The following SORT1 variants were observed in gnomAD, a reference collection of about 807,000 sequenced individuals.
SORT1 encodes sortilin 1.
A neutral mutation model predicts 101.7 loss-of-function variants in SORT1; 39 were observed. The observed-to-expected ratio is 0.38, with a 90% confidence interval of 0.30 to 0.50. The LOEUF (loss-of-function observed/expected upper bound fraction) is 0.50. Ranked by LOEUF, SORT1 falls within the 20% of genes least tolerant of loss-of-function variation. The pLI, the probability that SORT1 is intolerant of heterozygous loss-of-function variation, is 0.90. For missense variants in SORT1, 878 were observed against 1,040.4 expected (o/e 0.84, Z 2.15); for synonymous variants, 396 against 393.7 (o/e 1.01, Z -0.07).
chr1:109,330,896 C>T (rs1648417831), intron 11 of SORT1, among the ~76,000 whole-genome samples: 1 of 152,042 alleles, frequency 6.6e-6, no homozygotes, highest in Admixed American at 6.6e-5. Flanking sequence ...ACATATACAG[C>T]TTACCAAGAC....
Position 109,367,419 on chromosome 1 carries a change from C to T in SORT1, c.429G>A (p.Lys143=). 1 of 1,594,760 alleles carries T rather than the reference C, an allele frequency of 6.3e-7. No homozygotes were observed. Among genetic ancestry groups the T allele is most frequent in the Non-Finnish European group, 8.6e-7 (1 of 1,162,690 alleles). The change falls in exon 3 of 20, where the codon AAG becomes AAA. Residue 143 remains lysine, a synonymous_variant. Transcript: ENST00000256637. The stretch of plus-strand genomic sequence containing the variant: ...GTTATTGATCTCACCTTCGATATAG[C>T]TTGGACTGTCCAAAAGTCATAATTA... ...PLVIMTFGQS[K]LYRSEDYGKN...
chr1:109,316,773 G>A, intron 17 of SORT1, 77 bp downstream of exon 17: 1 of 937,870 alleles, frequency 1.1e-6, no homozygotes, highest in South Asian at 1.5e-5. Context: ...CAAAACTCTT[G>A]ATGCTTTAAC....
chr1:109,392,913 G>A (rs1473628538), intron 1 of SORT1: 2 of 985,162 alleles, frequency 2.0e-6, no homozygotes, highest in African/African-American at 3.5e-5. Flanking sequence ...CAGAACTCAA[G>A]AGACTATTAA....
chr1:109,370,796 G>C (rs1169648651), intron 1 of SORT1, among the ~76,000 whole-genome samples: 1 of 152,072 alleles, frequency 6.6e-6, no homozygotes, highest in Admixed American at 6.5e-5. Context: ...CCTTCCACAG[G>C]AATACTTTGC....
chr1:109,331,972 T>G (rs1488976033), intron 11 of SORT1, among the ~76,000 whole-genome samples: 1 of 121,266 alleles, frequency 8.2e-6, no homozygotes, highest in African/African-American at 3.2e-5. Context: ...AACTTAGGGA[T>G]AAATTTAACC....
rs538655018 is a variant in SORT1 at position 109,330,580 on chromosome 1, G to T, written c.1372-2979C>A. Among the ~76,000 whole-genome samples the T allele has an allele frequency of 9.2e-5, 14 of 151,972 alleles. No homozygotes were observed. In the East Asian group the frequency reaches 2.5e-3, roughly 27 times the overall value. On this transcript the variant is annotated intron_variant, in intron 11 of 19. Coordinates refer to ENST00000256637, the MANE Select transcript of SORT1 (RefSeq NM_002959.7). ...TTTATACCTCAAGGAACTAGAAAAA[G>T]AACAAACTAAGCCCAAAGTTAGCAG...
intron 17 of SORT1, among the ~76,000 whole-genome samples, chr1:109,315,103 T>G (rs1197281590): frequency 6.6e-6 from 1 of 152,108 alleles, no homozygotes; most frequent in Admixed American, 6.5e-5. Flanking sequence ...GTCTTGGGGC[T>G]TAAGGGTGGA....
chr1:109,349,148 C>T (rs1477264229), intron 6 of SORT1, among the ~76,000 whole-genome samples: 1 of 152,000 alleles, frequency 6.6e-6, no homozygotes, highest in Non-Finnish European at 1.5e-5. Context: ...AGTTTGAGAC[C>T]AGCTTGGCCA....
intron 3 of SORT1, among the ~76,000 whole-genome samples, chr1:109,364,173 T>TA (rs1650927504): frequency 6.6e-6 from 1 of 152,114 alleles, no homozygotes; most frequent in Non-Finnish European, 1.5e-5. Context: ...TGCACTCTAG[T>TA]AAAGTATGTC....
rs534547744 is a variant in SORT1, at chr1:109,324,496, C to G, written c.1834+403G>C. On this transcript the variant is annotated intron_variant, in intron 14 of 19. Transcript: ENST00000256637. ...TGTTTGGCAGTGAGGTTAGGGTTTG[C>G]TTGTGACACTTTGGAAACACTGTGC... Among the ~76,000 whole-genome samples the G allele has an allele frequency of 1.1e-4, 16 of 152,228 alleles. No individual in the cohort carries two copies. The South Asian group carries it at 3.1e-3, about 30-fold the overall frequency.
intron 1 of SORT1, among the ~76,000 whole-genome samples, chr1:109,380,850 G>C (rs954544552): frequency 2.7e-5 from 4 of 145,696 alleles, no homozygotes; most frequent in African/African-American, 5.2e-5. Context: ...AAATTAGCCG[G>C]GTATGGTGGT....
intron 15 of SORT1, among the ~76,000 whole-genome samples, chr1:109,322,055 G>C (rs1647665759): frequency 6.6e-6 from 1 of 151,656 alleles, no homozygotes; most frequent in Non-Finnish European, 1.5e-5. Flanking sequence ...AAAACCTAGT[G>C]TCTGCCTGCT....
At chr1:109,381,019 G>A (rs1220681845) in intron 1 of SORT1, among the ~76,000 whole-genome samples, 2 of 151,960 alleles carry the variant, frequency 1.3e-5, no homozygotes, top group Non-Finnish European at 2.9e-5. Context: ...TGTATCCAGT[G>A]AGGGCATAGG....
Position 109,347,547 on chromosome 1 carries a change from A to C in SORT1, c.783-15T>G, listed in dbSNP as rs888332109. On this transcript the variant is annotated splice_polypyrimidine_tract_variant and intron_variant, in intron 6 of 19. Coordinates refer to ENST00000256637, the MANE Select transcript of SORT1 (RefSeq NM_002959.7). ...TGTCTGATCCCCTACAATGAGGCAA[A>C]AACAGGGAAAAGAAATGGTTTAAGA... 5 of 1,592,672 alleles carry C rather than the reference A, an allele frequency of 3.1e-6. No homozygotes were observed. In the African/African-American group the frequency reaches 6.7e-5, roughly 21 times the overall value.
chr1:109,390,771 ATGTG>A (rs376882706), intron 1 of SORT1, among the ~76,000 whole-genome samples: 8 of 145,618 alleles, frequency 5.5e-5, no homozygotes, highest in African/African-American at 1.8e-4. Flanking sequence ...GTGTGTGTGT[ATGTG>A]TGTGTGTGTG....
At chr1:109,367,223 G>C (rs1397137564) in intron 3 of SORT1, 185 bp downstream of exon 3, 2 of 498,980 alleles carry the variant, frequency 4.0e-6, no homozygotes, top group African/African-American at 3.9e-5. Context: ...GTGAGACCCT[G>C]TCTCAAAAAA....
chr1:109,395,702 T>C (rs1004784527), intron 1 of SORT1, among the ~76,000 whole-genome samples: 2 of 152,154 alleles, frequency 1.3e-5, no homozygotes, highest in African/African-American at 2.4e-5. Context: ...CTGAGCCAGT[T>C]TTTTCAACCT....
At chr1:109,334,452 T>C (rs536040861) in intron 11 of SORT1, among the ~76,000 whole-genome samples, 1 of 152,344 alleles carries the variant, frequency 6.6e-6, no homozygotes, top group Non-Finnish European at 1.5e-5. Context: ...AAATACTGCA[T>C]GATCTCATTT....
At position 109,353,373 on chromosome 1, in the gene SORT1, T is replaced by C. The variant is rs549281176; in HGVS notation, c.708+994A>G. ...AAAACAAAAGCAAAAAAAACATAAC[T>C]CTGGCCCTCCTGGTGCCCCTCAGCC... On this transcript the variant is annotated intron_variant, in intron 5 of 19. Transcript: ENST00000256637. Among the ~76,000 whole-genome samples the C allele has an allele frequency of 2.3e-4, 34 of 145,384 alleles. No homozygotes were observed. In the South Asian group the frequency reaches 6.9e-3, roughly 30 times the overall value.
Sources: allele counts gnomAD v4.1 joint callset (sites outside exome capture counted in the v4.1 genomes callset), GRCh38; gene constraint gnomAD v4.1.1; transcripts MANE v1.5; gene names NCBI Gene and HGNC (gene_info 2026-07-23, HGNC 2026-07-21).